Variants in CACNA1I observed in about 807,000 individuals in gnomAD.
The protein encoded by CACNA1I is voltage-dependent T-type calcium channel subunit alpha-1I.
CACNA1I carries 74 observed loss-of-function variants against 201.6 expected under a neutral mutation model. The ratio of observed to expected loss-of-function variants is 0.37; its 90% CI spans 0.30 to 0.45. The LOEUF is 0.45. CACNA1I is among the 20% of genes least tolerant of loss of function. CACNA1I has a pLI of 1.00. For synonymous variants in CACNA1I, 1,431 were observed against 1,345.2 expected (o/e 1.06, Z -1.40); for missense variants, 2,346 against 3,138.1 (o/e 0.75, Z 6.03).
rs1006484660 is a variant in CACNA1I at position 39,684,948 on chromosome 22, C to G, written c.6027+450C>G. On this transcript the variant is annotated intron_variant, in intron 36 of 36. Coordinates refer to ENST00000402142, the MANE Select transcript of CACNA1I (RefSeq NM_021096.4). The surrounding 1 kb of genome is among the most constrained non-coding windows in gnomAD (Gnocchi z 4.6). The stretch of plus-strand genomic sequence containing the variant: ...AGAAGCCTCGGGCTGCAGGGTCCCC[C>G]GTACTGGATTGGCCAGGGCCACAGC... 6.6e-6 allele frequency: 2 copies of G among 302,470 alleles called. No individual in the cohort carries two copies. Among genetic ancestry groups the G allele is most frequent in the African/African-American group, 4.3e-5 (2 of 46,804 alleles). The allele number at this position is 302,470 out of a possible 1,614,324, so 18.7% of individuals were successfully genotyped here. A position where few individuals can be genotyped will look rare whatever the true frequency, so the allele number is the denominator to read the frequency against.
intron 27 of CACNA1I, 43 bp downstream of exon 27, chr22:39,672,351 C>A (rs571062449): frequency 6.8e-6 from 9 of 1,314,592 alleles, no homozygotes; most frequent in Admixed American, 5.0e-5. Context: ...GGGTAGACTG[C>A]AGGATGAAGA....
intron 1 of CACNA1I, among the ~76,000 whole-genome samples, chr22:39,574,025 G>C (rs996411350): frequency 1.3e-5 from 2 of 152,148 alleles, no homozygotes; most frequent in Non-Finnish European, 2.9e-5. Context: ...GGTGGTTCAG[G>C]TCTCGGCCTT....
rs1933004073 is a variant in CACNA1I, at chr22:39,600,590, T to C, written c.419T>C (p.Phe140Ser). ...CTCAAGATGGTGGCCCTGGGGATTT[T>C]TGGCAAGAAGTGCTACCTCGGGGAC... ...MVLKMVALGI[F>S]GKKCYLGDTW... is the part of the protein sequence containing the mutation. Residue 140 changes from phenylalanine (F) to serine (S), a missense_variant, in exon 3 of 37, where the codon TTT (phenylalanine) becomes TCT (serine). Coordinates refer to ENST00000402142, the MANE Select transcript of CACNA1I (RefSeq NM_021096.4). The C allele has an allele frequency of 6.2e-7, 1 of 1,611,686 alleles. No individual in the cohort carries two copies. The highest frequency in any genetic ancestry group is 8.5e-7 in the Non-Finnish European group (1 of 1,178,998).
rs943829037 is a variant in CACNA1I at position 39,673,642 on chromosome 22, T to C, written c.4784-321T>C. On this transcript the variant is annotated intron_variant, in intron 28 of 36. Transcript: ENST00000402142. ...AGGGGAAGAGAAGAGATGTGGCCAC[T>C]CACGCTGGTCCTTTGTGCCCGTGAC... Among the ~76,000 whole-genome samples the C allele has an allele frequency of 2.6e-5, 4 of 152,214 alleles. No homozygotes were observed. In the East Asian group the frequency reaches 7.7e-4, roughly 29 times the overall value.
intron 3 of CACNA1I, among the ~76,000 whole-genome samples, chr22:39,617,403 C>G (rs866254379): frequency 6.6e-6 from 1 of 152,162 alleles, no homozygotes; most frequent in Admixed American, 6.5e-5. Context: ...TCCCTAGGGA[C>G]TGACTCCCCC....
At chr22:39,607,855 T>C (rs1185444593) in intron 3 of CACNA1I, among the ~76,000 whole-genome samples, 1 of 142,924 alleles carries the variant, frequency 7.0e-6, no homozygotes, top group Non-Finnish European at 1.5e-5. Context: ...CCGGGTGCGG[T>C]GGCTCACACC....
chr22:39,672,803 A>AG (rs1935409733), intron 27 of CACNA1I, 146 bp from the exon 28 acceptor site: 1 of 758,360 alleles, frequency 1.3e-6, no homozygotes, highest in Non-Finnish European at 2.1e-6. Context: ...TGGCGTTAGG[A>AG]GGGGCTAGTA....
intron 7 of CACNA1I, among the ~76,000 whole-genome samples, chr22:39,645,222 A>G (rs1458889258): frequency 2.0e-5 from 3 of 152,190 alleles, no homozygotes; most frequent in Non-Finnish European, 4.4e-5. Context: ...CCTGACTTCA[A>G]GTGATCCACC....
rs533490319 is a variant in CACNA1I at position 39,648,635 on chromosome 22, T to G, written c.1567+709T>G. ...GGCTTGGGAGGCATCTGGAGGCAAGTGTGGAAATGAAGGGTAGGCGTGACA... is the reference window on the plus strand; with the variant it reads ...GGCTTGGGAGGCATCTGGAGGCAAGGGTGGAAATGAAGGGTAGGCGTGACA... On this transcript the variant is annotated intron_variant, in intron 9 of 36. Coordinates refer to ENST00000402142, the MANE Select transcript of CACNA1I (RefSeq NM_021096.4). The surrounding 1 kb of genome is among the most constrained non-coding windows in gnomAD (Gnocchi z 5.4). Among the ~76,000 whole-genome samples the G allele has an allele frequency of 6.6e-6, 1 of 152,224 alleles. No homozygotes were observed. The highest frequency in any genetic ancestry group is 1.9e-4 in the East Asian group (1 of 5,180).
chr22:39,670,972 T>G lies in CACNA1I; in HGVS notation c.4539+18T>G. On this transcript the variant is annotated intron_variant, in intron 26 of 36. Transcript: ENST00000402142. ...AGCCCACGGTGAGCCCTGGTCTGCC[T>G]CCCAGCCCAAGGTTACAAGGTGAGG... The G allele has an allele frequency of 6.2e-7, 1 of 1,612,608 alleles. No individual in the cohort carries two copies. Among genetic ancestry groups the G allele is most frequent in the South Asian group, 1.1e-5 (1 of 91,012 alleles).
chr22:39,679,486 G>T, intron 32 of CACNA1I, 41 bp downstream of exon 32: 2 of 1,313,694 alleles, frequency 1.5e-6, no homozygotes, highest in South Asian at 1.6e-5. Context: ...GCCAGAGGGG[G>T]GGCACCGCAG....
At position 39,619,310 on chromosome 22, in the gene CACNA1I, G is replaced by T; in HGVS notation, c.483G>T (p.Gly161=). Residue 161 remains glycine, a splice_region_variant and synonymous_variant, in exon 4 of 37, where the codon GGG becomes GGT. Coordinates refer to ENST00000402142, the MANE Select transcript of CACNA1I (RefSeq NM_021096.4). The stretch of plus-strand genomic sequence containing the variant: ...CTCACTCTCTCTCCTTTCTCTGCAG[G>T]ATGGTCGAGTACTCCCTGGACCTTC... ...NRLDFFIVMA[G]MVEYSLDLQN... is the part of the protein sequence containing the mutation. The T allele has an allele frequency of 6.2e-7, 1 of 1,607,138 alleles. No homozygotes were observed. The highest frequency in any genetic ancestry group is 8.5e-7 in the Non-Finnish European group (1 of 1,178,830).
At chr22:39,583,187 T>TG in intron 1 of CACNA1I, among the ~76,000 whole-genome samples, 1 of 146,326 alleles carries the variant, frequency 6.8e-6, no homozygotes, top group East Asian at 2.2e-4. Flanking sequence ...CATCCATCCA[T>TG]CTATCCAACA....
At chr22:39,667,409 G>C (rs1017685557) in intron 23 of CACNA1I, among the ~76,000 whole-genome samples, 20 of 152,314 alleles carry the variant, frequency 1.3e-4, no homozygotes, top group African/African-American at 4.8e-4. Context: ...AGCGCAGAGG[G>C]GGGTGAGACC....
chr22:39,599,297 G>A (rs1932968870), intron 2 of CACNA1I, among the ~76,000 whole-genome samples: 1 of 149,492 alleles, frequency 6.7e-6, no homozygotes, highest in Non-Finnish European at 1.5e-5. Context: ...GCAGCACTGG[G>A]CCAGAGTCTC....
At chr22:39,611,261 C>T (rs1933379878) in intron 3 of CACNA1I, among the ~76,000 whole-genome samples, 1 of 152,182 alleles carries the variant, frequency 6.6e-6, no homozygotes, top group East Asian at 1.9e-4. Context: ...ATTGTTAACA[C>T]CATTTTGCAG....
Position 39,672,240 on chromosome 22 carries a change from C to T in CACNA1I, c.4581C>T (p.Thr1527=), listed in dbSNP as rs767160099. 8 of 1,613,668 alleles carry T rather than the reference C, an allele frequency of 5.0e-6. No individual in the cohort carries two copies. Among genetic ancestry groups the T allele is most frequent in the Non-Finnish European group, 1.7e-6 (2 of 1,179,802 alleles). ...TALKYCNYMF[T]TVFVLEAVLK... Reference sequence around the variant, plus strand: ...TCAAGTACTGCAACTATATGTTCACCACTGTCTTTGTGCTGGAGGCTGTGC... The same window carrying T: ...TCAAGTACTGCAACTATATGTTCACTACTGTCTTTGTGCTGGAGGCTGTGC... Residue 1527 remains threonine, a synonymous_variant, in exon 27 of 37, where the codon ACC becomes ACT. Transcript: ENST00000402142.
At chr22:39,644,516 G>GGCT (rs1934428002) in intron 7 of CACNA1I, among the ~76,000 whole-genome samples, 2 of 152,118 alleles carry the variant, frequency 1.3e-5, no homozygotes. Context: ...AGGCTGAAAG[G>GGCT]GCTGAGTTTT....
At chr22:39,646,336 G>C (rs1230555319) in intron 7 of CACNA1I, among the ~76,000 whole-genome samples, 1 of 151,722 alleles carries the variant, frequency 6.6e-6, no homozygotes, top group African/African-American at 2.4e-5. Flanking sequence ...GTACCTCACT[G>C]TCTCTTTCTA....
Sources: gnomAD v4.1 joint callset for allele counts (sites outside exome capture counted in the v4.1 genomes callset) on GRCh38, gnomAD v4.1.1 for gene constraint, Gnocchi (gnomAD v3.1) non-coding constraint, MANE v1.5 for transcripts, NCBI Gene and HGNC (gene_info 2026-07-23, HGNC 2026-07-21) for gene names.